The following FLVCR2 variants were observed in gnomAD, a reference collection of about 807,000 sequenced individuals.
FLVCR2 encodes the protein FLVCR choline and putative heme transporter 2, also known as choline/ethanolamine transporter FLVCR2.
Under a neutral mutation model 48.9 loss-of-function variants are expected in FLVCR2, and 38 were observed. The ratio of observed to expected loss-of-function variants is 0.78; its 90% CI spans 0.60 to 1.02. The LOEUF is 1.02. Among genes scored for constraint, FLVCR2 ranks in the 50% least tolerant of loss-of-function variants. FLVCR2 has a pLI of 0.00. For synonymous variants in FLVCR2, 255 were observed against 257.0 expected (o/e 0.99, Z 0.07); for missense variants, 664 against 663.3 (o/e 1.00, Z -0.01).
intron 1 of FLVCR2, among the ~76,000 whole-genome samples, chr14:75,612,308 G>GAAT (rs1889479997): frequency 6.6e-6 from 1 of 152,116 alleles, no homozygotes; most frequent in South Asian, 2.1e-4. Flanking sequence ...AGAACTGAGG[G>GAAT]AATCCAGGAG....
At chr14:75,608,923 T>A (rs1889367002) in intron 1 of FLVCR2, among the ~76,000 whole-genome samples, 1 of 152,184 alleles carries the variant, frequency 6.6e-6, no homozygotes, top group Admixed American at 6.5e-5. Context: ...CACATCTTTG[T>A]CTCTGTTCTA....
intron 1 of FLVCR2, among the ~76,000 whole-genome samples, chr14:75,612,614 C>T (rs889719920): frequency 3.3e-5 from 5 of 152,274 alleles, no homozygotes; most frequent in East Asian, 1.9e-4. Context: ...GTCATATGAG[C>T]GGTCTTTGCC....
chr14:75,635,793 G>A (rs959974157), intron 5 of FLVCR2, among the ~76,000 whole-genome samples: 3 of 152,160 alleles, frequency 2.0e-5, no homozygotes, highest in Non-Finnish European at 2.9e-5. Context: ...TGACCCAGGA[G>A]GTGGAGGTTG....
intron 1 of FLVCR2, among the ~76,000 whole-genome samples, chr14:75,594,947 G>T (rs1259316710): frequency 6.6e-6 from 1 of 151,890 alleles, no homozygotes; most frequent in African/African-American, 2.4e-5. Context: ...TGAACTTCTG[G>T]GCTCAAGAGT....
chr14:75,637,137 A>G (rs1416784608), intron 5 of FLVCR2, among the ~76,000 whole-genome samples: 2 of 152,228 alleles, frequency 1.3e-5, no homozygotes, highest in Admixed American at 6.5e-5. Flanking sequence ...CAGAAGGGAC[A>G]CAGGTTTCAA....
intron 6 of FLVCR2, 143 bp downstream of exon 6, chr14:75,639,605 GTAATAC>G: frequency 2.8e-6 from 2 of 716,400 alleles, no homozygotes; most frequent in Non-Finnish European, 5.1e-6. Context: ...AGGGGTCTCG[GTAATAC>G]TTGTAGTACT....
chr14:75,617,100 A>T (rs748400831), intron 1 of FLVCR2, among the ~76,000 whole-genome samples: 5 of 152,144 alleles, frequency 3.3e-5, no homozygotes, highest in Non-Finnish European at 7.4e-5. Flanking sequence ...GATGGGAAAC[A>T]GTGGTTCTGT....
At chr14:75,610,194 A>G (rs774963217) in intron 1 of FLVCR2, among the ~76,000 whole-genome samples, 5 of 151,904 alleles carry the variant, frequency 3.3e-5, no homozygotes, top group Non-Finnish European at 5.9e-5. Flanking sequence ...ACAGTCAGCT[A>G]GAGGGACATT....
At chr14:75,624,385 C>T (rs984984141) in intron 2 of FLVCR2, among the ~76,000 whole-genome samples, 1 of 151,800 alleles carries the variant, frequency 6.6e-6, no homozygotes, top group Non-Finnish European at 1.5e-5. Context: ...AAGAAAATGG[C>T]ATAAAAAATA....
chr14:75,640,127 C>A (rs928762961), intron 6 of FLVCR2, among the ~76,000 whole-genome samples: 1 of 151,980 alleles, frequency 6.6e-6, no homozygotes, highest in Non-Finnish European at 1.5e-5. Flanking sequence ...GGCATGGTGG[C>A]ACACACCTGT....
chr14:75,642,014 G>A, intron 9 of FLVCR2, 116 bp downstream of exon 9: 3 of 919,668 alleles, frequency 3.3e-6, no homozygotes, highest in Middle Eastern at 4.8e-4. Context: ...GTCATAGCTG[G>A]GAGACCAGTT....
intron 1 of FLVCR2, among the ~76,000 whole-genome samples, chr14:75,615,804 G>T (rs1246723479): frequency 6.6e-6 from 1 of 150,840 alleles, no homozygotes; most frequent in African/African-American, 2.4e-5. Flanking sequence ...CGGATCACAA[G>T]GTCAGGAGAT....
At chr14:75,595,924 C>G (rs1889008070) in intron 1 of FLVCR2, 7 of 1,262,204 alleles carry the variant, frequency 5.5e-6, no homozygotes, top group Non-Finnish European at 8.1e-6. Context: ...TCATACAGGC[C>G]ATGTCTTGCA....
At chr14:75,604,459 C>T (rs1161908082) in intron 1 of FLVCR2, among the ~76,000 whole-genome samples, 1 of 152,086 alleles carries the variant, frequency 6.6e-6, no homozygotes, top group Non-Finnish European at 1.5e-5. Context: ...TGTCATGGCA[C>T]ATGCCTGTAA....
intron 1 of FLVCR2, among the ~76,000 whole-genome samples, chr14:75,589,431 A>C (rs1888831164): frequency 6.6e-6 from 1 of 152,192 alleles, no homozygotes; most frequent in Admixed American, 6.5e-5. Flanking sequence ...AGAAGGGCAC[A>C]CTGGGGAAGG....
intron 1 of FLVCR2, among the ~76,000 whole-genome samples, chr14:75,599,874 A>G (rs1889121370): frequency 6.6e-6 from 1 of 152,174 alleles, no homozygotes; most frequent in Admixed American, 6.5e-5. Context: ...AGTCTTTTCA[A>G]TAAGGGGTGT....
At chr14:75,602,563 G>A (rs1889190551) in intron 1 of FLVCR2, among the ~76,000 whole-genome samples, 1 of 148,088 alleles carries the variant, frequency 6.8e-6, no homozygotes, top group African/African-American at 2.7e-5. Flanking sequence ...AAGGATTTTT[G>A]TAGCTCTGTA....
chr14:75,639,328 C>T (rs1890246652), intron 5 of FLVCR2, 24 bp from the exon 6 acceptor site: 2 of 1,457,626 alleles, frequency 1.4e-6, no homozygotes, highest in South Asian at 1.1e-5. Flanking sequence ...GTGTTTGATT[C>T]AATTTCTTTG....
chr14:75,626,826 A>G (rs536175599), intron 3 of FLVCR2, among the ~76,000 whole-genome samples: 1 of 152,042 alleles, frequency 6.6e-6, no homozygotes, highest in East Asian at 1.9e-4. Context: ...TCATGAGTGC[A>G]TTGACCTCTG....
Sources: gnomAD v4.1 joint callset for allele counts (sites outside exome capture counted in the v4.1 genomes callset) on GRCh38, gnomAD v4.1.1 for gene constraint, MANE v1.5 for transcripts, NCBI Gene and HGNC (gene_info 2026-07-23, HGNC 2026-07-21) for gene names.